The following GFPT2 variants were observed in gnomAD, a reference collection of about 807,000 sequenced individuals.
The protein encoded by GFPT2 is glutamine--fructose-6-phosphate transaminase 2, also known as glutamine--fructose-6-phosphate aminotransferase [isomerizing] 2.
GFPT2 carries 62 observed loss-of-function variants against 85.6 expected under a neutral mutation model. That is an observed-to-expected ratio of 0.72 (90% CI 0.59 to 0.90). The LOEUF (loss-of-function observed/expected upper bound fraction) is 0.90, where lower values mean the gene tolerates loss of function less well. Among genes scored for constraint, GFPT2 ranks in the 40% least tolerant of loss-of-function variants. GFPT2 has a pLI of 0.00. For missense variants in GFPT2, 788 were observed against 893.4 expected (o/e 0.88, Z 1.50); for synonymous variants, 368 against 344.5 (o/e 1.07, Z -0.75).
At chr5:180,339,137 T>G (rs879260544) in intron 1 of GFPT2, among the ~76,000 whole-genome samples, 9 of 152,192 alleles carry the variant, frequency 5.9e-5, no homozygotes, top group African/African-American at 1.4e-4. Context: ...CCCAGCCCTT[T>G]GGGAGGCCGA....
At chr5:180,308,214 C>A (rs1218101701) in intron 15 of GFPT2, among the ~76,000 whole-genome samples, 7 of 151,582 alleles carry the variant, frequency 4.6e-5, no homozygotes, top group African/African-American at 1.7e-4. Context: ...TGAGATGGCA[C>A]CACGGCACTC....
At chr5:180,312,790 T>G (rs1763919297) in intron 14 of GFPT2, among the ~76,000 whole-genome samples, 1 of 151,954 alleles carries the variant, frequency 6.6e-6, no homozygotes, top group Non-Finnish European at 1.5e-5. Context: ...TTCTATTTTG[T>G]TTTTGAGACA....
intron 1 of GFPT2, among the ~76,000 whole-genome samples, chr5:180,350,578 G>A (rs975380636): frequency 2.6e-5 from 4 of 152,174 alleles, no homozygotes; most frequent in African/African-American, 9.7e-5. Flanking sequence ...GTCCCCCAGG[G>A]CCTGGAAAAC....
chr5:180,312,031 G>C (rs1189726952), intron 15 of GFPT2, among the ~76,000 whole-genome samples: 2 of 105,780 alleles, frequency 1.9e-5, no homozygotes, highest in Non-Finnish European at 4.1e-5. Flanking sequence ...GGGAGGCGGG[G>C]AGGTGGGGAG....
chr5:180,317,026 A>C lies in GFPT2; in HGVS notation c.991T>G (p.Phe331Val), dbSNP rs777416404. ...TTGAAAACTGATTCTGGCTGTTCGA[A>C]GATCTCCTTCTGCATAAACGCACTG... is the stretch of plus-strand genomic sequence containing the variant. ...NFSAFMQKEI[F>V]EQPESVFNTM... The change falls in exon 11 of 19, where the codon TTC (phenylalanine) becomes GTC (valine). Residue 331 changes from phenylalanine to valine, a missense_variant. By Grantham distance (50) the Phe-to-Val change is conservative. Coordinates refer to ENST00000253778, the MANE Select transcript of GFPT2 (RefSeq NM_005110.4). 22 of 1,611,480 alleles carry C rather than the reference A, an allele frequency of 1.4e-5. No homozygotes were observed. Among genetic ancestry groups the C allele is most frequent in the Non-Finnish European group, 1.9e-5 (22 of 1,177,538 alleles).
rs888610173 is a variant in GFPT2, at chr5:180,304,853, C to A, written c.1761G>T (p.Gln587His). The A allele has an allele frequency of 1.2e-5, 19 of 1,613,442 alleles. No homozygotes were observed. The highest frequency in any genetic ancestry group is 1.5e-5 in the Non-Finnish European group (18 of 1,179,326). The part of the protein sequence containing the change: ...KHGPLALIDK[Q>H]MPVIMVIMKD... The stretch of plus-strand genomic sequence containing the variant: ...TCATAATGACCATGATGACGGGCAT[C>A]TGCTTGTCAATCAGTGCCAGGGGCC... The change falls in exon 17 of 19, where the codon CAG becomes CAT. Residue 587 changes from glutamine to histidine, a missense_variant. Coordinates refer to ENST00000253778, the MANE Select transcript of GFPT2 (RefSeq NM_005110.4).
Position 180,353,314 on chromosome 5 carries a change from CGTGGG to C in GFPT2, c.-102_-98del, listed in dbSNP as rs1162956652. 2.1e-5 allele frequency: 20 copies of C among 951,866 alleles called. No individual in the cohort carries two copies. Among genetic ancestry groups the C allele is most frequent in the Non-Finnish European group, 2.0e-5 (15 of 736,862 alleles). The allele number at this position is 951,866 out of a possible 1,614,324, so 59.0% of individuals were successfully genotyped here. A position where few individuals can be genotyped will look rare whatever the true frequency, so the allele number is the denominator to read the frequency against. ...GCTCCTCCGTGGGCTCCGTGGGCTC[CGTGGG>C]CTCCGCGGGCTCCAGCTCCCGTCCG... On this transcript the variant is annotated 5_prime_UTR_variant, in exon 1 of 19. Transcript: ENST00000253778.
At position 180,301,457 on chromosome 5, in the gene GFPT2, C is replaced by T. The variant is rs184546685; in HGVS notation, c.*107G>A. The T allele has an allele frequency of 4.5e-5, 44 of 979,694 alleles. No individual in the cohort carries two copies. The highest frequency in any genetic ancestry group is 1.3e-4 in the African/African-American group (8 of 62,748). 60.7% of individuals were successfully genotyped at this position (979,694 alleles called of 1,614,324 possible). A position where few individuals can be genotyped will look rare whatever the true frequency, so the allele number is the denominator to read the frequency against. Reference sequence around the variant, plus strand: ...GAAGCTGTCAAGCTCTACAGGAGCACGCAGAACATGTGGGATGTCCACTTC... The same window carrying T: ...GAAGCTGTCAAGCTCTACAGGAGCATGCAGAACATGTGGGATGTCCACTTC... On this transcript the variant is annotated 3_prime_UTR_variant, in exon 19 of 19. Transcript: ENST00000253778.
chr5:180,353,132 G>A (rs1188599675), intron 1 of GFPT2, 79 bp downstream of exon 1: 10 of 1,173,082 alleles, frequency 8.5e-6, no homozygotes, highest in Non-Finnish European at 9.6e-6. Context: ...CCTGCTTGCG[G>A]GCGGAGGCGC....
chr5:180,308,871 G>A (rs919081622), intron 15 of GFPT2, among the ~76,000 whole-genome samples: 2 of 146,408 alleles, frequency 1.4e-5, no homozygotes, highest in African/African-American at 2.5e-5. Context: ...CATCAGAGAA[G>A]ACTTTTTTTT....
chr5:180,346,423 G>A (rs927921450), intron 1 of GFPT2, among the ~76,000 whole-genome samples: 1 of 152,122 alleles, frequency 6.6e-6, no homozygotes, highest in African/African-American at 2.4e-5. Flanking sequence ...CCCCACCACG[G>A]GACAGTCCAG....
intron 12 of GFPT2, 98 bp from the exon 13 acceptor site, chr5:180,316,559 C>T (rs1764013842): frequency 2.9e-6 from 4 of 1,367,314 alleles, no homozygotes; most frequent in Middle Eastern, 1.9e-4. Context: ...GACACGGAAC[C>T]TCACTGTCCA....
rs1361373059 is a variant in GFPT2 at position 180,353,292 on chromosome 5, C to CCTCTGTGGG, written c.-76_-75insCCCACAGAG. Reference sequence around the variant, plus strand: ...GGACGCTGGGGCTCCTCCGTGGGCTCCTCCGTGGGCTCCGTGGGCTCCGTG... The same window carrying CCTCTGTGGG: ...GGACGCTGGGGCTCCTCCGTGGGCTCCTCTGTGGGCTCCGTGGGCTCCGTGGGCTCCGTG... On this transcript the variant is annotated 5_prime_UTR_variant, in exon 1 of 19. Transcript: ENST00000253778. 6.3e-6 allele frequency: 6 copies of CCTCTGTGGG among 949,648 alleles called. No homozygotes were observed. Among genetic ancestry groups the CCTCTGTGGG allele is most frequent in the East Asian group, 6.6e-5 (2 of 30,398 alleles). The allele number at this position is 949,648 out of a possible 1,614,324, so 58.8% of individuals were successfully genotyped here.
chr5:180,319,938 C>A (rs1764086652), intron 9 of GFPT2, among the ~76,000 whole-genome samples: 1 of 152,096 alleles, frequency 6.6e-6, no homozygotes, highest in African/African-American at 2.4e-5. Flanking sequence ...CACAAAGGAG[C>A]CCTAAAAGTA....
intron 3 of GFPT2, 189 bp downstream of exon 3, chr5:180,336,290 G>A (rs6864729): frequency 0.16 from 100,623 of 619,910 alleles, 8,886 homozygotes; most frequent in East Asian, 0.19. Flanking sequence ...TTATCCATGC[G>A]CCGCCACCAC....
intron 1 of GFPT2, among the ~76,000 whole-genome samples, chr5:180,351,621 G>A (rs902195998): frequency 2.0e-5 from 3 of 152,218 alleles, no homozygotes; most frequent in Admixed American, 2.0e-4. Flanking sequence ...GAAGATACAG[G>A]TGGTCACACC....
chr5:180,350,975 C>G (rs929134183), intron 1 of GFPT2, among the ~76,000 whole-genome samples: 1 of 152,332 alleles, frequency 6.6e-6, no homozygotes, highest in Non-Finnish European at 1.5e-5. Context: ...GCACAGACTT[C>G]GCAGGGCCTC....
intron 17 of GFPT2, among the ~76,000 whole-genome samples, chr5:180,303,162 G>A (rs756856087): frequency 2.9e-4 from 44 of 150,178 alleles, no homozygotes; most frequent in Non-Finnish European, 6.0e-4. Context: ...CCTGGGAGGC[G>A]GAGCTTGCAG....
chr5:180,330,598 G>T lies in GFPT2; in HGVS notation c.534+102C>A, dbSNP rs909932763. 6.4e-6 allele frequency: 6 copies of T among 944,088 alleles called. No homozygotes were observed. The highest frequency in any genetic ancestry group is 1.6e-5 in the African/African-American group (1 of 61,554). The allele number at this position is 944,088 out of a possible 1,614,324, so 58.5% of individuals were successfully genotyped here. A position where few individuals can be genotyped will look rare whatever the true frequency, so the allele number is the denominator to read the frequency against. On this transcript the variant is annotated intron_variant, in intron 6 of 18. Transcript: ENST00000253778. The surrounding 1 kb of genome is among the most constrained non-coding windows in gnomAD (Gnocchi z 4.4). ...CTCTGTGCAAGTTTGTCTAACAAGG[G>T]CTTATAAAAAATGAAGGATTCCTTG...
Sources: gnomAD v4.1 joint callset for allele counts (sites outside exome capture counted in the v4.1 genomes callset) on GRCh38, gnomAD v4.1.1 for gene constraint, Gnocchi (gnomAD v3.1) non-coding constraint, MANE v1.5 for transcripts, NCBI Gene and HGNC (gene_info 2026-07-23, HGNC 2026-07-21) for gene names.